The following MATN2 variants were observed in gnomAD, a reference collection of about 807,000 sequenced individuals.
MATN2 encodes the protein matrilin-2.
Under a neutral mutation model 103.2 loss-of-function variants are expected in MATN2, and 69 were observed. The ratio of observed to expected loss-of-function variants is 0.67; its 90% CI spans 0.55 to 0.82. The LOEUF (loss-of-function observed/expected upper bound fraction) is 0.82. Ranked by LOEUF, MATN2 falls within the 40% of genes least tolerant of loss-of-function variation. MATN2 has a pLI of 0.00. For synonymous variants in MATN2, 429 were observed against 450.2 expected (o/e 0.95, Z 0.60); for missense variants, 1,023 against 1,211.5 (o/e 0.84, Z 2.31).
At chr8:98,034,949 C>T in intron 18 of MATN2, among the ~76,000 whole-genome samples, 1 of 150,910 alleles carries the variant, frequency 6.6e-6, no homozygotes. Flanking sequence ...CAGCTGGGTG[C>T]TGTGGCTCAC....
At chr8:97,929,599 G>A (rs1563673513) in intron 2 of MATN2, among the ~76,000 whole-genome samples, 1 of 152,196 alleles carries the variant, frequency 6.6e-6, no homozygotes, top group Non-Finnish European at 1.5e-5. Flanking sequence ...AACCTTTACA[G>A]TCTTCTTGCT....
At chr8:98,003,806 G>A (rs896707060) in intron 8 of MATN2, 23 bp downstream of exon 8, 2 of 1,612,982 alleles carry the variant, frequency 1.2e-6, no homozygotes, top group South Asian at 2.2e-5. Context: ...TAGGGGTGGG[G>A]TGCTGATGGA....
intron 3 of MATN2, among the ~76,000 whole-genome samples, chr8:97,933,601 G>C (rs1012636990): frequency 2.1e-5 from 3 of 145,842 alleles, no homozygotes; most frequent in Non-Finnish European, 4.4e-5. Flanking sequence ...ATCTCTGTGT[G>C]CTTTCTGGCA....
intron 10 of MATN2, among the ~76,000 whole-genome samples, chr8:98,010,559 C>G (rs371822348): frequency 6.6e-6 from 1 of 152,120 alleles, no homozygotes; most frequent in East Asian, 1.9e-4. Context: ...CTGCCGTGAC[C>G]CCTAAGGAAT....
chr8:98,021,618 ATTACATTCAG>A (rs991617159), intron 13 of MATN2, among the ~76,000 whole-genome samples: 10 of 152,212 alleles, frequency 6.6e-5, no homozygotes, highest in African/African-American at 2.4e-4. Context: ...GTGCTGGAGA[ATTACATTCAG>A]TTCTGGGCAT....
rs1810190588 is a variant in MATN2, at chr8:97,931,438, G to A, written c.628G>A (p.Glu210Lys). 1 of 1,613,714 alleles carries A rather than the reference G, an allele frequency of 6.2e-7. No homozygotes were observed. The highest frequency in any genetic ancestry group is 8.5e-7 in the Non-Finnish European group (1 of 1,179,860). ...CAACACCTTGAAGTCCATTGGGAGT[G>A]AGCCCCATGAGGACCATGTCTTCCT... Reference protein sequence around the residue: ...DFNTLKSIGSEPHEDHVFLVA... With the variant: ...DFNTLKSIGSKPHEDHVFLVA... The change falls in exon 3 of 19, where the codon GAG becomes AAG. Residue 210 changes from glutamate (E) to lysine (K), a missense_variant. Coordinates refer to ENST00000254898, the MANE Select transcript of MATN2 (RefSeq NM_002380.5). The surrounding 1 kb of genome is among the most constrained non-coding windows in gnomAD (Gnocchi z 4.1).
intron 1 of MATN2, among the ~76,000 whole-genome samples, chr8:97,875,413 G>T (rs1252315105): frequency 6.6e-6 from 1 of 152,140 alleles, no homozygotes. Context: ...TATTTGTTAA[G>T]TTAATTTTTT....
intron 1 of MATN2, among the ~76,000 whole-genome samples, chr8:97,878,060 A>T (rs1172953107): frequency 6.6e-6 from 1 of 152,208 alleles, no homozygotes; most frequent in Non-Finnish European, 1.5e-5. Context: ...ATTTGAAAAC[A>T]TTGTTTTATG....
intron 13 of MATN2, among the ~76,000 whole-genome samples, chr8:98,026,343 T>G (rs577486329): frequency 6.6e-6 from 1 of 151,812 alleles, no homozygotes. Context: ...TACTGCAACC[T>G]GTAATTCTTG....
At chr8:97,910,379 C>A (rs1809369619) in intron 2 of MATN2, among the ~76,000 whole-genome samples, 1 of 152,140 alleles carries the variant, frequency 6.6e-6, no homozygotes, top group Non-Finnish European at 1.5e-5. Context: ...TAAAGAATCA[C>A]TTCTTCTGCT....
chr8:97,941,726 A>C, intron 3 of MATN2, 51 bp from the exon 4 acceptor site: 1 of 1,541,180 alleles, frequency 6.5e-7, no homozygotes, highest in East Asian at 2.5e-5. Flanking sequence ...GCTGGAATGG[A>C]GTGAGAAAGG....
At position 97,998,383 on chromosome 8, in the gene MATN2, T is replaced by G. The variant is rs760434243; in HGVS notation, c.1204+3781T>G. On this transcript the variant is annotated intron_variant, in intron 7 of 18. Transcript: ENST00000254898. ...AAAAATATTAAAAAATTAGCCGGGC[T>G]TGGTGGCGGGCGCCTGTAGTCCCAA... is the stretch of plus-strand genomic sequence containing the variant. 1.3e-4 allele frequency among the ~76,000 whole-genome samples: 20 copies of G among 151,034 alleles called. No homozygotes were observed. The South Asian group carries it at 2.7e-3, about 21-fold the overall frequency.
intron 2 of MATN2, among the ~76,000 whole-genome samples, chr8:97,898,406 G>A (rs1264571546): frequency 1.3e-5 from 2 of 152,070 alleles, no homozygotes; most frequent in East Asian, 3.9e-4. Context: ...GACCAGCCTG[G>A]CCAACATGGT....
At chr8:98,032,865 T>C (rs569331839) in intron 16 of MATN2, among the ~76,000 whole-genome samples, 177 bp from the exon 17 acceptor site, 2 of 145,008 alleles carry the variant, frequency 1.4e-5, no homozygotes, top group African/African-American at 2.9e-5. Context: ...TGTTGTTTTT[T>C]GTTTTTTTAA....
chr8:97,965,578 A>C lies in MATN2; in HGVS notation c.958+4048A>C, dbSNP rs1046000711. Among the ~76,000 whole-genome samples, 17 of 152,322 alleles carry C rather than the reference A, an allele frequency of 1.1e-4. 1 individual carries two copies. The highest frequency in any genetic ancestry group is 3.4e-4 in the African/African-American group (14 of 41,564). On this transcript the variant is annotated intron_variant, in intron 5 of 18. Transcript: ENST00000254898. ...GCCAGGTACCGTGGCACATGTCTAT[A>C]ATCCTAGTACTTTGGGAGGCCAAAG...
At chr8:97,925,624 C>T (rs1000971352) in intron 2 of MATN2, among the ~76,000 whole-genome samples, 2 of 152,136 alleles carry the variant, frequency 1.3e-5, no homozygotes, top group Non-Finnish European at 2.9e-5. Context: ...ATTATTTTCT[C>T]TTTTGAGTCT....
chr8:97,887,027 G>A (rs960774205), intron 1 of MATN2, among the ~76,000 whole-genome samples: 39 of 151,898 alleles, frequency 2.6e-4, no homozygotes, highest in African/African-American at 9.2e-4. Context: ...AAGTAGCTAG[G>A]ACTGCAGGCA....
At chr8:97,951,233 G>T (rs1375314747) in intron 4 of MATN2, among the ~76,000 whole-genome samples, 1 of 152,226 alleles carries the variant, frequency 6.6e-6, no homozygotes, top group Non-Finnish European at 1.5e-5. Context: ...TCACCCTCTG[G>T]CTGTGCCAGG....
chr8:98,024,755 T>G (rs1047629457), intron 13 of MATN2: 2 of 152,208 alleles, frequency 1.3e-5, no homozygotes, highest in African/African-American at 4.8e-5. Flanking sequence ...GAAAATTACG[T>G]TCTGAAAGCA....
Sources: gnomAD v4.1 joint callset for allele counts (sites outside exome capture counted in the v4.1 genomes callset) on GRCh38, gnomAD v4.1.1 for gene constraint, Gnocchi (gnomAD v3.1) non-coding constraint, MANE v1.5 for transcripts, NCBI Gene and HGNC (gene_info 2026-07-23, HGNC 2026-07-21) for gene names.